Variants in PAPPA observed in about 807,000 individuals in gnomAD.
The protein encoded by PAPPA is pappalysin-1.
In PAPPA, 60 loss-of-function variants were observed where a neutral mutation model predicts 164.0. The observed-to-expected ratio is 0.37, with a 90% confidence interval of 0.30 to 0.45. PAPPA has a LOEUF of 0.45. PAPPA is among the 20% of genes least tolerant of loss of function. The pLI, the probability that PAPPA is intolerant of heterozygous loss-of-function variation, is 1.00. For missense variants in PAPPA, 1,782 were observed against 2,087.3 expected, an observed-to-expected ratio of 0.85 and a Z score of 2.85; for synonymous variants, 875 against 814.1, an observed-to-expected ratio of 1.07 and a Z score of -1.27.
At chr9:116,217,995 T>C (rs1265472079) in intron 4 of PAPPA, among the ~76,000 whole-genome samples, 1 of 152,204 alleles carries the variant, frequency 6.6e-6, no homozygotes, top group South Asian at 2.1e-4. Flanking sequence ...AAGAAAAAAG[T>C]GTCCAATTAT....
intron 12 of PAPPA, among the ~76,000 whole-genome samples, chr9:116,333,492 C>G (rs1023975231): frequency 1.3e-5 from 2 of 152,134 alleles, no homozygotes; most frequent in African/African-American, 4.8e-5. Flanking sequence ...CAAAGTTGTG[C>G]CCACACCATT....
At chr9:116,342,063 TAAAG>T (rs1846145369) in intron 13 of PAPPA, among the ~76,000 whole-genome samples, 1 of 152,230 alleles carries the variant, frequency 6.6e-6, no homozygotes, top group African/African-American at 2.4e-5. Context: ...CTCTGCAACT[TAAAG>T]AAGAAAGTCA....
At position 116,235,440 on chromosome 9, in the gene PAPPA, C is replaced by A. The variant is rs377702306; in HGVS notation, c.2535C>A (p.Asp845Glu). The change falls in exon 7 of 22, where the codon GAC becomes GAA. Residue 845 changes from aspartate (D) to glutamate (E), a missense_variant. By Grantham distance (45) the Asp-to-Glu change is conservative (BLOSUM62 2). This residue lies in a region of PAPPA where 1,324 missense variants were observed against 1,656.9 expected (regional missense o/e 0.80). Coordinates refer to ENST00000328252, the MANE Select transcript of PAPPA (RefSeq NM_002581.5). ...TCCCACTGACCATCAGACTCTGGGA[C>A]GTGGGCGAGGAGGTGTATGGCATCC... ...CDVPLTIRLWDVGEEVYGIQI... is the reference protein window; with the variant it reads ...CDVPLTIRLWEVGEEVYGIQI... 19 of 1,613,470 alleles carry A rather than the reference C, an allele frequency of 1.2e-5. No individual in the cohort carries two copies. Among genetic ancestry groups the A allele is most frequent in the Admixed American group, 1.7e-5 (1 of 59,928 alleles).
At chr9:116,267,625 G>A (rs1449565775) in intron 8 of PAPPA, among the ~76,000 whole-genome samples, 1 of 152,128 alleles carries the variant, frequency 6.6e-6, no homozygotes, top group Non-Finnish European at 1.5e-5. Context: ...TGTAATCCCA[G>A]CACTTTGGGA....
chr9:116,154,552 C>A lies in PAPPA; in HGVS notation c.380C>A (p.Ala127Glu). Residue 127 changes from alanine to glutamate, a missense_variant, in exon 1 of 22, where the codon GCG (alanine) becomes GAG (glutamate). Ala to Glu is a moderately radical substitution (Grantham distance 107, BLOSUM62 -1). Around this residue, in one of 2 missense-constraint regions of PAPPA, gnomAD observed 458 missense variants for 430.3 expected, o/e 1.06. Coordinates refer to ENST00000328252, the MANE Select transcript of PAPPA (RefSeq NM_002581.5). This position sits in a 1 kb window ranked among gnomAD's most constrained non-coding sequence, Gnocchi z 5.2. ...DAFTLQVWLR[A>E]EGGQRSPAVI... is the part of the protein sequence containing the mutation. ...TTCACGCTGCAAGTGTGGCTGCGAG[C>A]GGAGGGGGGCCAGAGGTCTCCGGCA... is the stretch of plus-strand genomic sequence containing the variant. The A allele has an allele frequency of 7.1e-7, 1 of 1,404,512 alleles. No homozygotes were observed. Among genetic ancestry groups the A allele is most frequent in the Non-Finnish European group, 9.3e-7 (1 of 1,077,020 alleles). The allele number at this position is 1,404,512 out of a possible 1,614,324, so 87.0% of individuals were successfully genotyped here. A position where few individuals can be genotyped will look rare whatever the true frequency, so the allele number is the denominator to read the frequency against.
intron 9 of PAPPA, among the ~76,000 whole-genome samples, chr9:116,285,357 T>C (rs1267309808): frequency 5.9e-5 from 9 of 152,018 alleles, no homozygotes; most frequent in African/African-American, 1.9e-4. Flanking sequence ...TTTGTAGACA[T>C]GGGGTCTCAC....
intron 8 of PAPPA, among the ~76,000 whole-genome samples, chr9:116,268,437 G>T (rs1054213576): frequency 1.3e-5 from 2 of 152,118 alleles, no homozygotes; most frequent in African/African-American, 2.4e-5. Flanking sequence ...ATCATTTGTG[G>T]GTCCAAGATT....
chr9:116,219,822 T>C (rs1460519389), intron 4 of PAPPA, 115 bp from the exon 5 acceptor site: 1 of 764,228 alleles, frequency 1.3e-6, no homozygotes, highest in South Asian at 1.7e-5. Context: ...CAGCCCTGAG[T>C]TGGCAAGGAA....
chr9:116,166,134 A>C (rs985791930), intron 1 of PAPPA, among the ~76,000 whole-genome samples: 1 of 152,232 alleles, frequency 6.6e-6, no homozygotes, highest in Non-Finnish European at 1.5e-5. Context: ...TAGCATGTGC[A>C]TCACTGTCAG....
At chr9:116,310,696 A>T (rs1335556473) in intron 10 of PAPPA, among the ~76,000 whole-genome samples, 2 of 152,118 alleles carry the variant, frequency 1.3e-5, no homozygotes, top group Non-Finnish European at 2.9e-5. Flanking sequence ...TATCTGTTCA[A>T]ATCTACAAAA....
At position 116,187,762 on chromosome 9, in the gene PAPPA, A is replaced by C. The variant is rs774060194; in HGVS notation, c.1024A>C (p.Asn342His). Residue 342 changes from asparagine to histidine, a missense_variant, in exon 2 of 22, where the codon AAT (asparagine) becomes CAT (histidine). Coordinates refer to ENST00000328252, the MANE Select transcript of PAPPA (RefSeq NM_002581.5). This position sits in a 1 kb window ranked among gnomAD's most constrained non-coding sequence, Gnocchi z 4.2. ...CAACACAGAGGTCATTGCCAGCTAC[A>C]ATCAGCTCTCAAGTTTCCGCCAGCC... ...CDNTEVIASY[N>H]QLSSFRQPKV... is the part of the protein sequence containing the mutation. The C allele has an allele frequency of 6.2e-7, 1 of 1,614,246 alleles. No homozygotes were observed. The highest frequency in any genetic ancestry group is 8.5e-7 in the Non-Finnish European group (1 of 1,180,038).
chr9:116,156,842 T>C (rs1843610432), intron 1 of PAPPA, among the ~76,000 whole-genome samples: 2 of 152,224 alleles, frequency 1.3e-5, no homozygotes, highest in African/African-American at 4.8e-5. Context: ...GAAGTACTTT[T>C]TCAGCTCCCT....
intron 1 of PAPPA, among the ~76,000 whole-genome samples, chr9:116,181,428 C>T (rs560467723): frequency 1.3e-5 from 2 of 151,890 alleles, no homozygotes; most frequent in African/African-American, 2.4e-5. Flanking sequence ...CTCTGTATTA[C>T]TTGTGTCCTA....
At chr9:116,362,780 C>T in intron 18 of PAPPA, 41 bp downstream of exon 18, 1 of 1,592,744 alleles carries the variant, frequency 6.3e-7, no homozygotes, top group Non-Finnish European at 8.6e-7. Flanking sequence ...AGGGGCAATT[C>T]CTTCCAGCAA....
intron 1 of PAPPA, among the ~76,000 whole-genome samples, chr9:116,166,129 T>C (rs1843716888): frequency 6.6e-6 from 1 of 152,204 alleles, no homozygotes; most frequent in Non-Finnish European, 1.5e-5. Context: ...TGACCTAGCA[T>C]GTGCATCACT....
intron 1 of PAPPA, among the ~76,000 whole-genome samples, chr9:116,172,077 G>T (rs112107501): frequency 7.2e-5 from 11 of 151,978 alleles, no homozygotes; most frequent in Non-Finnish European, 7.4e-5. Flanking sequence ...AATATGTGTC[G>T]GGCACTGTTC....
chr9:116,223,998 C>G (rs2118714963), intron 5 of PAPPA, among the ~76,000 whole-genome samples: 1 of 152,330 alleles, frequency 6.6e-6, no homozygotes, highest in African/African-American at 2.4e-5. Context: ...CCATTTTGTG[C>G]AACATTTTCC....
chr9:116,224,548 A>C (rs948962293), intron 5 of PAPPA, among the ~76,000 whole-genome samples: 7 of 152,206 alleles, frequency 4.6e-5, no homozygotes, highest in Non-Finnish European at 1.0e-4. Flanking sequence ...GTACTATTTT[A>C]GTTTCATAGG....
intron 9 of PAPPA, among the ~76,000 whole-genome samples, chr9:116,280,988 A>G (rs1845258939): frequency 6.6e-6 from 1 of 152,210 alleles, no homozygotes; most frequent in Non-Finnish European, 1.5e-5. Context: ...GATTCAACCA[A>G]TCTCAGATAC....
Sources: gnomAD v4.1 joint callset for allele counts (sites outside exome capture counted in the v4.1 genomes callset) on GRCh38, gnomAD v4.1.1 for gene constraint, gnomAD v4.1.1 regional missense constraint, Gnocchi (gnomAD v3.1) non-coding constraint, MANE v1.5 for transcripts, NCBI Gene and HGNC (gene_info 2026-07-23, HGNC 2026-07-21) for gene names.